Variants in VIT observed in about 807,000 individuals in gnomAD.
The protein encoded by VIT is vitrin.
Under a neutral mutation model 78.0 loss-of-function variants are expected in VIT, and 99 were observed. The ratio of observed to expected loss-of-function variants is 1.27; its 90% confidence interval spans 1.08 to 1.50. VIT has a LOEUF of 1.50. VIT is among the 40% of genes most tolerant of loss of function. VIT has a pLI of 0.00. For synonymous variants in VIT, 374 were observed against 334.3 expected (o/e 1.12, Z -1.29); for missense variants, 1,126 against 875.3 (o/e 1.29, Z -3.61).
At chr2:36,803,842 G>A (rs529335691) in intron 13 of VIT, among the ~76,000 whole-genome samples, 10 of 152,276 alleles carry the variant, frequency 6.6e-5, no homozygotes, top group African/African-American at 1.7e-4. Flanking sequence ...TGAGAATTCC[G>A]TGAAAGCTAT....
chr2:36,794,533 C>T (rs893095802), intron 12 of VIT, among the ~76,000 whole-genome samples: 1 of 152,182 alleles, frequency 6.6e-6, no homozygotes, highest in Admixed American at 6.5e-5. Flanking sequence ...CCACGGACTG[C>T]AGATTCATGA....
Position 36,808,578 on chromosome 2 carries a change from T to C in VIT, c.1496T>C (p.Leu499Pro). 1 of 1,614,170 alleles carries C rather than the reference T, an allele frequency of 6.2e-7. No homozygotes were observed. The highest frequency in any genetic ancestry group is 8.5e-7 in the Non-Finnish European group (1 of 1,180,036). ...AAGCGGGTCTGCGACACTGACCGCCTGGCCTGCAGCAAGACCTGCTTGAAC... is the reference window on the plus strand; with the variant it reads ...AAGCGGGTCTGCGACACTGACCGCCCGGCCTGCAGCAAGACCTGCTTGAAC... ...LVKRVCDTDR[L>P]ACSKTCLNSA... is the part of the protein sequence containing the mutation. Residue 499 changes from leucine to proline, a missense_variant, in exon 15 of 16, where the codon CTG (leucine) becomes CCG (proline). Leu to Pro is a moderately conservative substitution (Grantham distance 98). Transcript: ENST00000379242.
chr2:36,805,927 G>T (rs1207567656), intron 14 of VIT, among the ~76,000 whole-genome samples: 1 of 152,078 alleles, frequency 6.6e-6, no homozygotes, highest in Non-Finnish European at 1.5e-5. Flanking sequence ...CAGCCCCAGG[G>T]GGGGTCTCAC....
chr2:36,702,922 C>G (rs1665156580), intron 1 of VIT, among the ~76,000 whole-genome samples: 1 of 152,332 alleles, frequency 6.6e-6, no homozygotes, highest in African/African-American at 2.4e-5. Flanking sequence ...CTGGTAAGCT[C>G]TGTCTGGCTG....
At chr2:36,753,194 C>T (rs540149264) in intron 4 of VIT, among the ~76,000 whole-genome samples, 7 of 101,356 alleles carry the variant, frequency 6.9e-5, no homozygotes, top group African/African-American at 2.5e-4. Flanking sequence ...GCAACACACA[C>T]TGGGGCCTGT....
At position 36,787,162 on chromosome 2, in the gene VIT, G is replaced by T. The variant is rs1043695163; in HGVS notation, c.944G>T (p.Gly315Val). 1 of 1,614,070 alleles carries T rather than the reference G, an allele frequency of 6.2e-7. No homozygotes were observed. The highest frequency in any genetic ancestry group is 8.5e-7 in the Non-Finnish European group (1 of 1,180,044). ...ATTGACTTGTCGTTTTTAATTGATG[G>T]GAGCACCAGCATTGGCAAACGGCGA... The part of the protein sequence containing the change: ...CKIDLSFLID[G>V]STSIGKRRFR... Residue 315 changes from glycine (G) to valine (V), a missense_variant, in exon 12 of 16, where the codon GGG becomes GTG. Gly to Val is a moderately radical substitution (Grantham distance 109). Transcript: ENST00000379242.
intron 13 of VIT, among the ~76,000 whole-genome samples, chr2:36,805,220 A>T (rs1265641464): frequency 6.7e-6 from 1 of 148,488 alleles, no homozygotes; most frequent in Admixed American, 6.8e-5. Context: ...GGGAGGGTTG[A>T]TGAAACTCAG....
chr2:36,805,982 ACT>A (rs149938226), intron 14 of VIT, among the ~76,000 whole-genome samples: 40 of 149,828 alleles, frequency 2.7e-4, no homozygotes, highest in Admixed American at 1.0e-3. Context: ...AAGCGAACAT[ACT>A]CTCTCTCTCT....
chr2:36,800,340 G>A (rs767611899), intron 12 of VIT, among the ~76,000 whole-genome samples: 8 of 152,078 alleles, frequency 5.3e-5, no homozygotes, highest in South Asian at 2.1e-4. Context: ...GTGAGACTCC[G>A]TGTTAAAAAA....
intron 6 of VIT, among the ~76,000 whole-genome samples, chr2:36,759,858 T>C (rs1668997433): frequency 6.6e-6 from 1 of 152,250 alleles, no homozygotes; most frequent in Non-Finnish European, 1.5e-5. Context: ...CTGATCATTG[T>C]GTTTAATCAC....
At chr2:36,727,514 C>A (rs541634519) in intron 2 of VIT, among the ~76,000 whole-genome samples, 1 of 152,326 alleles carries the variant, frequency 6.6e-6, no homozygotes, top group African/African-American at 2.4e-5. Context: ...ACCCACATTC[C>A]TTCCTCTGGA....
At chr2:36,747,418 A>C (rs1073315) in intron 4 of VIT, among the ~76,000 whole-genome samples, 2 of 152,248 alleles carry the variant, frequency 1.3e-5, no homozygotes, top group East Asian at 3.9e-4. Flanking sequence ...CTATTATCAC[A>C]TGGCTGTCTA....
chr2:36,809,058 A>G, intron 15 of VIT, 73 bp downstream of exon 15: 1 of 1,506,954 alleles, frequency 6.6e-7, no homozygotes, highest in Non-Finnish European at 8.9e-7. Flanking sequence ...GGGACAAGGA[A>G]GGTATTGTCT....
At chr2:36,698,911 T>G (rs1664842926) in intron 1 of VIT, among the ~76,000 whole-genome samples, 1 of 149,796 alleles carries the variant, frequency 6.7e-6, no homozygotes, top group Non-Finnish European at 1.5e-5. Context: ...GCCACTACAC[T>G]CCAGCCTGGG....
intron 9 of VIT, among the ~76,000 whole-genome samples, chr2:36,777,019 G>A (rs908584812): frequency 8.8e-5 from 13 of 147,606 alleles, no homozygotes; most frequent in African/African-American, 3.2e-4. Context: ...AACCCAGGAG[G>A]CGGAGCTTGC....
At position 36,808,868 on chromosome 2, in the gene VIT, G is replaced by T. The variant is rs200598704; in HGVS notation, c.1786G>T (p.Ala596Ser). ...CAGCACGGGGGCTGCCATCAACTTC[G>T]CCCTGGAGCAGCTCTTCAAGAAGTC... ...GTSTGAAINF[A>S]LEQLFKKSKP... Residue 596 changes from alanine to serine, a missense_variant, in exon 15 of 16, where the codon GCC (alanine) becomes TCC (serine). By Grantham distance (99) the Ala-to-Ser change is moderately conservative. Coordinates refer to ENST00000379242, the MANE Select transcript of VIT (RefSeq NM_053276.4). 2.4e-5 allele frequency: 39 copies of T among 1,614,122 alleles called. No homozygotes were observed. In the East Asian group the frequency reaches 7.4e-4, roughly 30 times the overall value.
Position 36,805,687 on chromosome 2 carries a change from A to G in VIT, c.1389+23A>G, listed in dbSNP as rs775073522. 3.1e-6 allele frequency: 5 copies of G among 1,599,682 alleles called. No homozygotes were observed. The East Asian group carries it at 6.7e-5, about 22-fold the overall frequency. On this transcript the variant is annotated intron_variant, in intron 14 of 15. Coordinates refer to ENST00000379242, the MANE Select transcript of VIT (RefSeq NM_053276.4). ...AAGGTAGATGACTGCCCGGAGACCT[A>G]CCCAACATCAGGATTTTCTGCACTC...
intron 1 of VIT, among the ~76,000 whole-genome samples, chr2:36,714,279 G>A (rs1573128677): frequency 6.6e-6 from 1 of 152,156 alleles, no homozygotes; most frequent in Non-Finnish European, 1.5e-5. Flanking sequence ...GCATAGCAGT[G>A]TATCAAATAT....
At chr2:36,786,487 T>C (rs550173923) in intron 11 of VIT, among the ~76,000 whole-genome samples, 3 of 152,110 alleles carry the variant, frequency 2.0e-5, no homozygotes, top group East Asian at 3.9e-4. Context: ...GATCCAGAGA[T>C]CCTAAGGCAG....
Sources: allele counts gnomAD v4.1 joint callset (sites outside exome capture counted in the v4.1 genomes callset), GRCh38; gene constraint gnomAD v4.1.1; transcripts MANE v1.5; gene names NCBI Gene and HGNC (gene_info 2026-07-23, HGNC 2026-07-21).